The following PLCL2 variants were observed in gnomAD, a reference collection of about 807,000 sequenced individuals.
PLCL2 encodes the protein inactive phospholipase C-like protein 2.
PLCL2 carries 4 observed loss-of-function variants against 79.6 expected under a neutral mutation model. That is an observed-to-expected ratio of 0.05 (90% CI 0.02 to 0.11). PLCL2 has a LOEUF of 0.11. Ranked by LOEUF, PLCL2 falls within the 10% of genes least tolerant of loss-of-function variation. PLCL2 has a pLI of 1.00. For synonymous variants in PLCL2, 484 were observed against 457.7 expected, an observed-to-expected ratio of 1.06 and a Z score of -0.73; for missense variants, 895 against 1,291.0, an observed-to-expected ratio of 0.69 and a Z score of 4.70.
chr3:17,057,209 A>G (rs2064900418), intron 4 of PLCL2, among the ~76,000 whole-genome samples: 1 of 152,208 alleles, frequency 6.6e-6, no homozygotes, highest in African/African-American at 2.4e-5. Context: ...TTATAATGCA[A>G]CTTATCCCCT....
chr3:17,045,895 G>A (rs922011925), intron 4 of PLCL2, among the ~76,000 whole-genome samples: 5 of 152,114 alleles, frequency 3.3e-5, no homozygotes, highest in Non-Finnish European at 5.9e-5. Context: ...TTCCATTGAC[G>A]AGGTAAACAG....
At position 17,062,370 on chromosome 3, in the gene PLCL2, C is replaced by G. The variant is rs140318832; in HGVS notation, c.3095-5586C>G. ...GCACATAGCAATTGTGTCACACTTC[C>G]AAAGGACTGTTTACCTACTTAGTTT... is the stretch of plus-strand genomic sequence containing the variant. On this transcript the variant is annotated intron_variant, in intron 4 of 5. Coordinates refer to ENST00000615277, the MANE Select transcript of PLCL2 (RefSeq NM_001144382.2). 9.6e-4 allele frequency among the ~76,000 whole-genome samples: 146 copies of G among 152,272 alleles called. 2 individuals are homozygous for G. The East Asian group carries it at 0.025, about 27-fold the overall frequency.
At chr3:16,894,810 T>TA (rs1559478445) in intron 1 of PLCL2, among the ~76,000 whole-genome samples, 10 of 151,752 alleles carry the variant, frequency 6.6e-5, no homozygotes, top group African/African-American at 9.7e-5. Flanking sequence ...GTTTTTATTT[T>TA]NAAAAAAATG....
At chr3:17,057,894 G>A (rs76771608) in intron 4 of PLCL2, among the ~76,000 whole-genome samples, 1 of 152,094 alleles carries the variant, frequency 6.6e-6, no homozygotes, top group Non-Finnish European at 1.5e-5. Flanking sequence ...TTCAACAAAC[G>A]AGCTCTTACT....
In PLCL2 at chr3:17,080,576, G is replaced by A. The variant is rs139540594; in HGVS notation, c.3205-9157G>A. On this transcript the variant is annotated intron_variant, in intron 5 of 5. Transcript: ENST00000615277. ...AGTGATTCTCCTGCCTCAGCCTCCC[G>A]AGTAGCTGGGATTACAGTCGCCCGC... Among the ~76,000 whole-genome samples, 984 of 152,026 alleles carry A rather than the reference G, an allele frequency of 6.5e-3. 12 individuals are homozygous for A. Among genetic ancestry groups the A allele is most frequent in the African/African-American group, 0.022 (930 of 41,492 alleles).
intron 1 of PLCL2, among the ~76,000 whole-genome samples, chr3:16,894,829 G>C (rs1575514461): frequency 6.6e-6 from 1 of 151,856 alleles, no homozygotes; most frequent in East Asian, 1.9e-4. Flanking sequence ...TGGTATGTAG[G>C]ACTTAATTTA....
chr3:17,033,856 T>A (rs1326373062), intron 3 of PLCL2, among the ~76,000 whole-genome samples: 11 of 152,202 alleles, frequency 7.2e-5, no homozygotes. Flanking sequence ...AACTGTGATA[T>A]TGTTTTTATT....
chr3:17,090,280 GA>G lies in PLCL2; in HGVS notation c.*375del, dbSNP rs150136296. The G allele has an allele frequency of 1.1e-4, 112 of 980,370 alleles. 2 individuals carry two copies. In the East Asian group the frequency reaches 0.011, roughly 94 times the overall value. The allele number at this position is 980,370 out of a possible 1,614,324, so 60.7% of individuals were successfully genotyped here. A position where few individuals can be genotyped will look rare whatever the true frequency, so the allele number is the denominator to read the frequency against. ...GATTGTCAAATTATTATTTATTGGA[GA>G]AAAAAACCTGATCTACACATTTTTA... On this transcript the variant is annotated 3_prime_UTR_variant, in exon 6 of 6. Coordinates refer to ENST00000615277, the MANE Select transcript of PLCL2 (RefSeq NM_001144382.2).
At chr3:16,966,952 C>T (rs1482444058) in intron 1 of PLCL2, among the ~76,000 whole-genome samples, 2 of 151,986 alleles carry the variant, frequency 1.3e-5, no homozygotes, top group Non-Finnish European at 2.9e-5. Flanking sequence ...GGCCCTGGTG[C>T]CTGTTCTTCC....
chr3:17,000,642 G>GTTTAAGT (rs1256588369), intron 1 of PLCL2, among the ~76,000 whole-genome samples: 2 of 151,946 alleles, frequency 1.3e-5, no homozygotes, highest in Non-Finnish European at 2.9e-5. Flanking sequence ...ACCTCCATGA[G>GTTTAAGT]TTTAAGTTTT....
At chr3:17,064,767 A>G (rs971997678) in intron 4 of PLCL2, among the ~76,000 whole-genome samples, 1 of 151,994 alleles carries the variant, frequency 6.6e-6, no homozygotes, top group East Asian at 1.9e-4. Flanking sequence ...CATCTGTACT[A>G]AAAATACAAA....
chr3:17,019,091 G>T (rs944121765), intron 3 of PLCL2, among the ~76,000 whole-genome samples: 2 of 152,166 alleles, frequency 1.3e-5, no homozygotes, highest in Admixed American at 1.3e-4. Context: ...TTAGTTTCAG[G>T]TTCAGAGATT....
chr3:16,895,062 G>A lies in PLCL2; in HGVS notation c.327+9696G>A, dbSNP rs1049645237. Among the ~76,000 whole-genome samples, 10 of 151,556 alleles carry A rather than the reference G, an allele frequency of 6.6e-5. No homozygotes were observed. The East Asian group carries it at 9.7e-4, about 15-fold the overall frequency. ...AACATATATAGATATGTTGAAACAC[G>A]TATCTATATAGATATAGATATATGT... On this transcript the variant is annotated intron_variant, in intron 1 of 5. Transcript: ENST00000615277.
At chr3:16,995,191 C>T (rs1204758328) in intron 1 of PLCL2, among the ~76,000 whole-genome samples, 2 of 152,262 alleles carry the variant, frequency 1.3e-5, no homozygotes, top group South Asian at 4.1e-4. Flanking sequence ...GCTATTTAAA[C>T]ATCATATGTC....
At position 17,090,327 on chromosome 3, in the gene PLCL2, T is replaced by G. The variant is rs1273843871; in HGVS notation, c.*415T>G. ...TTTTACTTATATGGGGTTGCCAGAG[T>G]CTCTGGGTTCTAGATGATTTTGGTG... On this transcript the variant is annotated 3_prime_UTR_variant, in exon 6 of 6. Transcript: ENST00000615277. 2.3e-6 allele frequency: 2 copies of G among 868,324 alleles called. No homozygotes were observed. Among genetic ancestry groups the G allele is most frequent in the Non-Finnish European group, 2.8e-6 (2 of 723,234 alleles). The allele number at this position is 868,324 out of a possible 1,614,324, so 53.8% of individuals were successfully genotyped here. A position where few individuals can be genotyped will look rare whatever the true frequency, so the allele number is the denominator to read the frequency against.
chr3:17,048,740 C>T (rs1370125507), intron 4 of PLCL2, among the ~76,000 whole-genome samples: 1 of 152,184 alleles, frequency 6.6e-6, no homozygotes, highest in Non-Finnish European at 1.5e-5. Flanking sequence ...TCATCTCTGA[C>T]TGAGCAGTTT....
chr3:16,919,776 T>C (rs1377265985), intron 1 of PLCL2, among the ~76,000 whole-genome samples: 2 of 152,112 alleles, frequency 1.3e-5, no homozygotes, highest in African/African-American at 2.4e-5. Flanking sequence ...TCCCTCAAAG[T>C]GAGGAAGAGT....
Position 17,067,357 on chromosome 3 carries a change from G to C in PLCL2, c.3095-599G>C, listed in dbSNP as rs139349208. Reference sequence around the variant, plus strand: ...CCTGTAAACTAAATTTGAATTAGAGGATCTACAGATCTTGCAGAAATTGTT... The same window carrying C: ...CCTGTAAACTAAATTTGAATTAGAGCATCTACAGATCTTGCAGAAATTGTT... On this transcript the variant is annotated intron_variant, in intron 4 of 5. Coordinates refer to ENST00000615277, the MANE Select transcript of PLCL2 (RefSeq NM_001144382.2). Among the ~76,000 whole-genome samples the C allele has an allele frequency of 2.4e-4, 37 of 152,212 alleles. 1 individual carries two copies. The East Asian group carries it at 6.7e-3, about 28-fold the overall frequency.
At chr3:16,931,371 G>C (rs1697388441) in intron 1 of PLCL2, among the ~76,000 whole-genome samples, 2 of 152,056 alleles carry the variant, frequency 1.3e-5, no homozygotes, top group South Asian at 4.1e-4. Flanking sequence ...ACAATTAAAT[G>C]CTTATTTGTA....
Sources: allele counts gnomAD v4.1 joint callset (sites outside exome capture counted in the v4.1 genomes callset), GRCh38; gene constraint gnomAD v4.1.1; transcripts MANE v1.5; gene names NCBI Gene and HGNC (gene_info 2026-07-23, HGNC 2026-07-21).